Variants in CUL2 observed in about 807,000 individuals in gnomAD.
CUL2 encodes the protein cullin-2.
CUL2 carries 22 observed loss-of-function variants against 110.2 expected under a neutral mutation model. That is an observed-to-expected ratio of 0.20 (90% CI 0.14 to 0.28). The LOEUF is 0.28. Among genes scored for constraint, CUL2 ranks in the 10% least tolerant of loss-of-function variants. The pLI, the probability that CUL2 is intolerant of heterozygous loss-of-function variation, is 1.00. For synonymous variants in CUL2, 279 were observed against 293.2 expected, an observed-to-expected ratio of 0.95 and a Z score of 0.49; for missense variants, 631 against 905.5, an observed-to-expected ratio of 0.70 and a Z score of 3.89.
In CUL2 at chr10:35,010,364, G is replaced by C; in HGVS notation, c.2185C>G (p.Gln729Glu). The C allele has an allele frequency of 6.2e-7, 1 of 1,612,952 alleles. No individual in the cohort carries two copies. Among genetic ancestry groups the C allele is most frequent in the Non-Finnish European group, 8.5e-7 (1 of 1,179,494 alleles). The change falls in exon 21 of 21, where the codon CAA becomes GAA. Residue 729 changes from glutamine to glutamate, a missense_variant. Coordinates refer to ENST00000374749, the MANE Select transcript of CUL2 (RefSeq NM_003591.4). ...GACGCCTGGCTGCGTTCTATGTATT[G>C]TTTGTCTATCAGAACTTCAATACAC... ...KKCIEVLIDKQYIERSQASAD... is the reference protein window; with the variant it reads ...KKCIEVLIDKEYIERSQASAD...
intron 4 of CUL2, among the ~76,000 whole-genome samples, chr10:35,056,045 C>A (rs1458489111): frequency 2.0e-5 from 3 of 152,180 alleles, no homozygotes. Flanking sequence ...ATTTAACGCA[C>A]AACTGTTTTA....
At chr10:35,014,669 C>T (rs2084982817) in intron 18 of CUL2, among the ~76,000 whole-genome samples, 1 of 151,828 alleles carries the variant, frequency 6.6e-6, no homozygotes, top group Non-Finnish European at 1.5e-5. Flanking sequence ...CCGGTCTCTA[C>T]TAAAAATTAA....
chr10:35,012,053 C>CA (rs1375030481), intron 19 of CUL2, 89 bp from the exon 20 acceptor site: 4 of 476,052 alleles, frequency 8.4e-6, no homozygotes, highest in African/African-American at 2.2e-5. Context: ...AGTGCAAATA[C>CA]TTTTTTTTTT....
intron 1 of CUL2, among the ~76,000 whole-genome samples, chr10:35,078,611 C>T (rs1444038439): frequency 6.6e-6 from 1 of 152,042 alleles, no homozygotes; most frequent in Non-Finnish European, 1.5e-5. Context: ...CGACATTTTT[C>T]ATATAAAGAG....
At chr10:35,032,837 T>C (rs775460728) in intron 11 of CUL2, among the ~76,000 whole-genome samples, 2 of 152,114 alleles carry the variant, frequency 1.3e-5, no homozygotes, top group Non-Finnish European at 2.9e-5. Context: ...CTATTCTCTT[T>C]TCAAATATTA....
chr10:35,103,385 C>T (rs1206497488), intron 1 of CUL2, among the ~76,000 whole-genome samples: 1 of 139,396 alleles, frequency 7.2e-6, no homozygotes, highest in Non-Finnish European at 1.5e-5. Flanking sequence ...AGCGCAGTGG[C>T]ACGATCTCGA....
intron 2 of CUL2, among the ~76,000 whole-genome samples, chr10:35,096,320 G>A (rs1346791086): frequency 1.3e-5 from 2 of 151,950 alleles, no homozygotes; most frequent in African/African-American, 2.4e-5. Context: ...TGGCTGACGT[G>A]ATGGCCGGGT....
chr10:35,009,206 T>C lies in CUL2; in HGVS notation c.*1105A>G, dbSNP rs1161078677. ...GAGATATATATATATATATATTATA[T>C]ATATATATATATATAAAATAAACAA... On this transcript the variant is annotated 3_prime_UTR_variant, in exon 21 of 21. Coordinates refer to ENST00000374749, the MANE Select transcript of CUL2 (RefSeq NM_003591.4). 2 of 144,944 alleles carry C rather than the reference T, an allele frequency of 1.4e-5. No homozygotes were observed. The highest frequency in any genetic ancestry group is 2.5e-5 in the African/African-American group (1 of 39,520). 9.0% of individuals were successfully genotyped at this position (144,944 alleles called of 1,614,324 possible).
intron 1 of CUL2, among the ~76,000 whole-genome samples, chr10:35,078,357 A>G (rs2086872323): frequency 6.7e-6 from 1 of 150,246 alleles, no homozygotes; most frequent in Non-Finnish European, 1.5e-5. Context: ...GTGCAATGGC[A>G]TGATCTCGGC....
At chr10:35,045,425 A>C (rs2085910349) in intron 6 of CUL2, among the ~76,000 whole-genome samples, 1 of 152,120 alleles carries the variant, frequency 6.6e-6, no homozygotes, top group Non-Finnish European at 1.5e-5. Flanking sequence ...CATTCAAAAA[A>C]AAAATTAGCC....
At chr10:35,075,635 A>AAAAC (rs954674525) in intron 1 of CUL2, among the ~76,000 whole-genome samples, 90 of 140,990 alleles carry the variant, frequency 6.4e-4, no homozygotes, top group African/African-American at 2.2e-3. Context: ...TGGGCCCTAA[A>AAAAC]ACACACACAC....
At chr10:35,078,004 C>T (rs573006040) in intron 1 of CUL2, among the ~76,000 whole-genome samples, 2 of 151,884 alleles carry the variant, frequency 1.3e-5, no homozygotes, top group African/African-American at 4.8e-5. Context: ...TTACAATTTT[C>T]CATAATAAAG....
chr10:35,023,189 C>T (rs2085246357), intron 17 of CUL2, among the ~76,000 whole-genome samples: 2 of 152,184 alleles, frequency 1.3e-5, no homozygotes, highest in Non-Finnish European at 1.5e-5. Flanking sequence ...CATAACAAAG[C>T]ATCACACTGT....
intron 1 of CUL2, among the ~76,000 whole-genome samples, chr10:35,086,667 T>C (rs2087072624): frequency 6.6e-6 from 1 of 151,886 alleles, no homozygotes; most frequent in African/African-American, 2.4e-5. Context: ...TGAAGCCCCA[T>C]CTCTACTAAA....
At chr10:35,071,120 C>A in intron 2 of CUL2, 79 bp downstream of exon 2, 2 of 1,381,366 alleles carry the variant, frequency 1.4e-6, no homozygotes, top group Non-Finnish European at 2.0e-6. Context: ...AAAGTTCTTC[C>A]ATAACATTGA....
At chr10:35,107,144 T>G (rs1181111425) in intron 1 of CUL2, among the ~76,000 whole-genome samples, 7 of 151,894 alleles carry the variant, frequency 4.6e-5, no homozygotes, top group East Asian at 1.9e-4. Context: ...CCGGCTAATT[T>G]TTTGTATTTT....
Position 35,073,075 on chromosome 10 carries a change from A to G in CUL2, c.-22-1736T>C, listed in dbSNP as rs551751356. 2.0e-4 allele frequency among the ~76,000 whole-genome samples: 31 copies of G among 152,242 alleles called. No individual in the cohort carries two copies. In the East Asian group the frequency reaches 2.9e-3, roughly 14 times the overall value. ...TTCCAGATGAGAAGAGAGCTCAAGG[A>G]ATCCCAGGAATAGACTCCATGGAAA... On this transcript the variant is annotated intron_variant, in intron 1 of 20. Coordinates refer to ENST00000374749, the MANE Select transcript of CUL2 (RefSeq NM_003591.4).
At chr10:35,066,344 C>T (rs1344712850) in intron 2 of CUL2, among the ~76,000 whole-genome samples, 2 of 151,678 alleles carry the variant, frequency 1.3e-5, no homozygotes, top group Admixed American at 6.6e-5. Context: ...GCTCTTTTGC[C>T]CAGGCAGTGC....
intron 1 of CUL2, among the ~76,000 whole-genome samples, chr10:35,078,387 C>A (rs1335653850): frequency 6.6e-6 from 1 of 151,786 alleles, no homozygotes; most frequent in Non-Finnish European, 1.5e-5. Flanking sequence ...CCTTCACATC[C>A]CAGGTGTGAG....
Sources: gnomAD v4.1 joint callset for allele counts (sites outside exome capture counted in the v4.1 genomes callset) on GRCh38, gnomAD v4.1.1 for gene constraint, MANE v1.5 for transcripts, NCBI Gene and HGNC (gene_info 2026-07-23, HGNC 2026-07-21) for gene names.